TSPEAR: variants seen among roughly 807,000 people sequenced by gnomAD.
TSPEAR encodes the protein thrombospondin-type laminin G domain and EAR repeat-containing protein.
In TSPEAR, 69 loss-of-function variants were observed where a neutral mutation model predicts 71.6. That is an observed-to-expected ratio of 0.96 (90% CI 0.79 to 1.18). TSPEAR has a LOEUF of 1.18. Ranked by LOEUF, TSPEAR falls within the 50% of genes most tolerant of loss-of-function variation. The pLI, the probability that TSPEAR is intolerant of heterozygous loss-of-function variation, is 0.00. For synonymous variants in TSPEAR, 402 were observed against 387.2 expected (o/e 1.04, Z -0.45); for missense variants, 971 against 894.9 (o/e 1.09, Z -1.09).
At chr21:44,502,775 C>T (rs150169381) in intron 11 of TSPEAR, among the ~76,000 whole-genome samples, 1,709 of 152,334 alleles carry the variant, frequency 0.011, 22 homozygotes, top group Non-Finnish European at 0.019. Context: ...CGCTGTGAGC[C>T]GGTGGCACCT....
chr21:44,652,007 G>A (rs11701054), intron 1 of TSPEAR, among the ~76,000 whole-genome samples: 14,757 of 136,918 alleles, frequency 0.11, 930 homozygotes, highest in Non-Finnish European at 0.13. Flanking sequence ...TTTTTGAAAC[G>A]GAGTCTCACT....
At chr21:44,503,323 C>A (rs1280612859) in intron 11 of TSPEAR, among the ~76,000 whole-genome samples, 5 of 135,828 alleles carry the variant, frequency 3.7e-5, no homozygotes, top group East Asian at 2.4e-4. Flanking sequence ...AGGAGGCCGG[C>A]CTTGGTGAGC....
At chr21:44,541,599 C>T (rs1373840460) in intron 2 of TSPEAR, among the ~76,000 whole-genome samples, 5 of 152,100 alleles carry the variant, frequency 3.3e-5, no homozygotes, top group East Asian at 1.9e-4. Flanking sequence ...GCCAAGAGGC[C>T]GAGAGCCTGA....
chr21:44,641,357 T>G (rs1984010407), intron 1 of TSPEAR, among the ~76,000 whole-genome samples: 1 of 152,088 alleles, frequency 6.6e-6, no homozygotes, highest in Non-Finnish European at 1.5e-5. Flanking sequence ...CATGACACTC[T>G]CAACACAGAT....
In TSPEAR at chr21:44,638,221, C is replaced by T. The variant is rs587744538; in HGVS notation, c.83-70216G>A. On this transcript the variant is annotated intron_variant, in intron 1 of 11. Coordinates refer to ENST00000323084, the MANE Select transcript of TSPEAR (RefSeq NM_144991.3). ...TCCCTTCCCACCAGGGGCTGACCTCCCAGCTGCCCCAGCAAGCTCTGCCCT... is the reference window on the plus strand; with the variant it reads ...TCCCTTCCCACCAGGGGCTGACCTCTCAGCTGCCCCAGCAAGCTCTGCCCT... 6.9e-5 allele frequency: 108 copies of T among 1,562,716 alleles called. No homozygotes were observed. In the African/African-American group the frequency reaches 1.4e-3, roughly 20 times the overall value.
chr21:44,628,827 G>A (rs1337372633), intron 1 of TSPEAR, among the ~76,000 whole-genome samples: 1 of 152,166 alleles, frequency 6.6e-6, no homozygotes, highest in East Asian at 1.9e-4. Flanking sequence ...GGCCTCCTGT[G>A]GACACTCACA....
intron 1 of TSPEAR, chr21:44,675,775 T>C: frequency 3.7e-6 from 2 of 539,708 alleles, no homozygotes; most frequent in Non-Finnish European, 6.7e-6. Flanking sequence ...TGCTCATGTC[T>C]AGACAATTCT....
chr21:44,682,211 C>G, intron 1 of TSPEAR: 1 of 1,465,490 alleles, frequency 6.8e-7, no homozygotes, highest in Non-Finnish European at 9.3e-7. Context: ...TGGACCCAGG[C>G]ATCCCCACAG....
intron 2 of TSPEAR, chr21:44,539,366 C>T (rs782682560): frequency 6.2e-7 from 1 of 1,612,766 alleles, no homozygotes; most frequent in South Asian, 1.1e-5. Context: ...CGGGCGGCAG[C>T]AGCTGGCCTG....
intron 1 of TSPEAR, among the ~76,000 whole-genome samples, chr21:44,696,915 G>A (rs548357545): frequency 3.7e-4 from 56 of 152,280 alleles, no homozygotes; most frequent in African/African-American, 1.3e-3. Context: ...CACCAACAAG[G>A]AAAGAAGCCT....
intron 1 of TSPEAR, chr21:44,580,139 T>C (rs879961450): frequency 6.2e-7 from 1 of 1,602,178 alleles, no homozygotes; most frequent in Non-Finnish European, 8.5e-7. Flanking sequence ...AGAGGAATCC[T>C]CAGAACAGGT....
chr21:44,650,388 C>T (rs781888870), intron 1 of TSPEAR, among the ~76,000 whole-genome samples: 2 of 152,240 alleles, frequency 1.3e-5, no homozygotes, highest in Non-Finnish European at 2.9e-5. Context: ...AATTTGCACA[C>T]GAACGGGCAC....
chr21:44,704,943 T>C (rs1456386269), intron 1 of TSPEAR, among the ~76,000 whole-genome samples: 1 of 152,086 alleles, frequency 6.6e-6, no homozygotes, highest in Non-Finnish European at 1.5e-5. Context: ...TGACCTGTTG[T>C]TCTCTGTGGC....
In TSPEAR at chr21:44,520,050, C is replaced by T. The variant is rs1253920985; in HGVS notation, c.1566+1833G>A. 1 of 152,454 alleles carries T rather than the reference C, an allele frequency of 6.6e-6. No homozygotes were observed. The highest frequency in any genetic ancestry group is 2.4e-5 in the African/African-American group (1 of 41,454). 9.4% of individuals were successfully genotyped at this position (152,454 alleles called of 1,614,324 possible). ...AGGCTCATCCCGCCTCTTCCTGGCT[C>T]CCAGGCACGCTCACCTGTTCCATCC... is the stretch of plus-strand genomic sequence containing the variant. On this transcript the variant is annotated intron_variant, in intron 9 of 11. Transcript: ENST00000323084. The surrounding 1 kb of genome is among the most constrained non-coding windows in gnomAD (Gnocchi z 4.2).
rs376272845 is a variant in TSPEAR, at chr21:44,600,867, C to G, written c.83-32862G>C. Reference sequence around the variant, plus strand: ...CCAGCCCCTGCCAATCAGGCTGCACCAGCTCCTGCACGCCCTCGTGCTGCC... The same window carrying G: ...CCAGCCCCTGCCAATCAGGCTGCACGAGCTCCTGCACGCCCTCGTGCTGCC... On this transcript the variant is annotated intron_variant, in intron 1 of 11. Coordinates refer to ENST00000323084, the MANE Select transcript of TSPEAR (RefSeq NM_144991.3). The G allele has an allele frequency of 3.6e-4, 574 of 1,610,724 alleles. No individual in the cohort carries two copies. Among genetic ancestry groups the G allele is most frequent in the Middle Eastern group, 9.2e-4 (5 of 5,430 alleles).
At chr21:44,707,302 T>TGGGGAAAGGACGCGGGGTG (rs1987975502) in intron 1 of TSPEAR, among the ~76,000 whole-genome samples, 2 of 135,858 alleles carry the variant, frequency 1.5e-5, no homozygotes, top group Non-Finnish European at 3.2e-5. Flanking sequence ...GGACGCGGGG[T>TGGGGAAAGGACGCGGGGTG]GGGGGGGGGT....
intron 1 of TSPEAR, among the ~76,000 whole-genome samples, chr21:44,658,938 C>T (rs1288327767): frequency 6.6e-6 from 1 of 152,100 alleles, no homozygotes; most frequent in East Asian, 1.9e-4. Context: ...CATGCAATAC[C>T]TCAAAGGATT....
intron 1 of TSPEAR, among the ~76,000 whole-genome samples, chr21:44,688,509 A>G (rs557575001): frequency 5.9e-5 from 9 of 152,334 alleles, no homozygotes; most frequent in Admixed American, 5.2e-4. Context: ...TCATGAGGTC[A>G]GGAGATGGAG....
chr21:44,503,204 G>A (rs2052083470), intron 11 of TSPEAR, among the ~76,000 whole-genome samples: 1 of 139,952 alleles, frequency 7.1e-6, no homozygotes, highest in Non-Finnish European at 1.5e-5. Flanking sequence ...CCCACAGGGG[G>A]GAAGCAAGGC....
Sources: gnomAD v4.1 joint callset for allele counts (sites outside exome capture counted in the v4.1 genomes callset) on GRCh38, gnomAD v4.1.1 for gene constraint, Gnocchi (gnomAD v3.1) non-coding constraint, MANE v1.5 for transcripts, NCBI Gene and HGNC (gene_info 2026-07-23, HGNC 2026-07-21) for gene names.